The following FAM234B variants were observed in gnomAD, a reference collection of about 807,000 sequenced individuals.
FAM234B encodes the protein family with sequence similarity 234 member B.
In FAM234B, 33 loss-of-function variants were observed where a neutral mutation model predicts 69.3. The ratio of observed to expected loss-of-function variants is 0.48; its 90% CI spans 0.36 to 0.64. The LOEUF is 0.64. Among genes scored for constraint, FAM234B ranks in the 30% least tolerant of loss-of-function variants. The pLI is 0.00. For synonymous variants in FAM234B, 306 were observed against 306.9 expected (o/e 1.00, Z 0.03); for missense variants, 697 against 769.7 (o/e 0.91, Z 1.12).
At chr12:13,047,815 C>T (rs889183564) in intron 1 of FAM234B, among the ~76,000 whole-genome samples, 7 of 152,116 alleles carry the variant, frequency 4.6e-5, no homozygotes, top group African/African-American at 1.4e-4. Context: ...GGCTCCTCAG[C>T]CTGAGTAGGA....
intron 5 of FAM234B, among the ~76,000 whole-genome samples, chr12:13,064,125 A>G (rs1865012928): frequency 6.6e-6 from 1 of 152,244 alleles, no homozygotes; most frequent in African/African-American, 2.4e-5. Context: ...TCACATTTGC[A>G]AGATAAAGGC....
At chr12:13,050,953 A>G (rs2220266) in intron 1 of FAM234B, among the ~76,000 whole-genome samples, 36,073 of 152,066 alleles carry the variant, frequency 0.24, 5,191 homozygotes, top group East Asian at 0.53. Context: ...GTATTTGCCT[A>G]CTCTTACTGA....
In FAM234B at chr12:13,068,782, G is replaced by T. The variant is rs1288016764; in HGVS notation, c.1368+71G>T. 4 of 968,424 alleles carry T rather than the reference G, an allele frequency of 4.1e-6. No individual in the cohort carries two copies. The African/African-American group carries it at 6.5e-5, about 16-fold the overall frequency. 60.0% of individuals were successfully genotyped at this position (968,424 alleles called of 1,614,324 possible). A position where few individuals can be genotyped will look rare whatever the true frequency, so the allele number is the denominator to read the frequency against. On this transcript the variant is annotated intron_variant, in intron 9 of 12. Transcript: ENST00000197268. The stretch of plus-strand genomic sequence containing the variant: ...TACTTTGTGTCCAACCCTGTGTTAG[G>T]CACAGCAGGGAATAAAAAGAACCTA...
rs746904223 is a variant in FAM234B, at chr12:13,067,166, G to A, written c.1012G>A (p.Ala338Thr). Residue 338 changes from alanine to threonine, a missense_variant, in exon 7 of 13, where the codon GCT becomes ACT. Ala to Thr is a moderately conservative substitution (Grantham distance 58). Transcript: ENST00000197268. This position sits in a 1 kb window ranked among gnomAD's most constrained non-coding sequence, Gnocchi z 4.7. ...YILFGFGNIQ[A>T]VALRDIFVQA... ...TTCTGTGGTGCTAGGAAATATACAAGCTGTCGCACTGCGGGACATTTTTGT... is the reference window on the plus strand; with the variant it reads ...TTCTGTGGTGCTAGGAAATATACAAACTGTCGCACTGCGGGACATTTTTGT... The A allele has an allele frequency of 8.1e-6, 13 of 1,613,964 alleles. No homozygotes were observed. The highest frequency in any genetic ancestry group is 9.3e-6 in the Non-Finnish European group (11 of 1,179,892).
intron 1 of FAM234B, among the ~76,000 whole-genome samples, chr12:13,053,005 G>A (rs917914874): frequency 6.6e-6 from 1 of 152,144 alleles, no homozygotes; most frequent in Non-Finnish European, 1.5e-5. Context: ...TTGGTTCATG[G>A]AGTAGAAATA....
chr12:13,061,489 C>T, intron 3 of FAM234B, 86 bp from the exon 4 acceptor site: 1 of 1,127,960 alleles, frequency 8.9e-7, no homozygotes, highest in Non-Finnish European at 1.3e-6. Flanking sequence ...CCACCATCCA[C>T]TTGCAGTTTT....
Position 13,067,913 on chromosome 12 carries a change from A to G in FAM234B, c.1143-391A>G, listed in dbSNP as rs1489922165. On this transcript the variant is annotated intron_variant, in intron 7 of 12. Transcript: ENST00000197268. The surrounding 1 kb of genome is among the most constrained non-coding windows in gnomAD (Gnocchi z 4.7). ...ATGGTCCCAGTGGCACTGAGCAAGA[A>G]CTAATTCAGTGAAATGTATGCCATG... Among the ~76,000 whole-genome samples, 1 of 152,210 alleles carries G rather than the reference A, an allele frequency of 6.6e-6. No homozygotes were observed. Among genetic ancestry groups the G allele is most frequent in the African/African-American group, 2.4e-5 (1 of 41,448 alleles).
chr12:13,078,984 A>C (rs1006799838), intron 11 of FAM234B, among the ~76,000 whole-genome samples: 32 of 149,814 alleles, frequency 2.1e-4, no homozygotes, highest in Non-Finnish European at 4.4e-4. Flanking sequence ...TTACAGATTC[A>C]ATGCCATCCC....
intron 5 of FAM234B, among the ~76,000 whole-genome samples, chr12:13,064,941 C>T (rs1341677455): frequency 3.3e-5 from 5 of 152,106 alleles, no homozygotes; most frequent in Admixed American, 2.6e-4. Flanking sequence ...CTGATAAGGT[C>T]TAGAACATTA....
intron 11 of FAM234B, among the ~76,000 whole-genome samples, chr12:13,079,467 C>T (rs1865199882): frequency 1.3e-5 from 2 of 152,332 alleles, no homozygotes; most frequent in Middle Eastern, 3.4e-3. Flanking sequence ...AATTCTCAGG[C>T]TCCCTAGTGT....
intron 2 of FAM234B, 97 bp downstream of exon 2, chr12:13,056,043 C>T: frequency 1.6e-6 from 2 of 1,277,580 alleles, no homozygotes; most frequent in Non-Finnish European, 2.1e-6. Context: ...TAATATGTGT[C>T]ATGCGGCATT....
Position 13,079,800 on chromosome 12 carries a change from G to T in FAM234B, c.1654G>T (p.Asp552Tyr). 2 of 1,612,200 alleles carry T rather than the reference G, an allele frequency of 1.2e-6. No individual in the cohort carries two copies. The highest frequency in any genetic ancestry group is 2.2e-5 in the South Asian group (2 of 90,904). Residue 552 changes from aspartate to tyrosine, a missense_variant, in exon 12 of 13, where the codon GAC (aspartate) becomes TAC (tyrosine). Asp to Tyr is a radical substitution (Grantham distance 160, BLOSUM62 -3). Transcript: ENST00000197268. Reference protein sequence around the residue: ...TVTASEVGINDLWKDAFYVTR... With the variant: ...TVTASEVGINYLWKDAFYVTR... Reference sequence around the variant, plus strand: ...TTGTCCTTCCTCAGTTGGAATTAACGACCTCTGGAAAGATGCCTTTTATGT... The same window carrying T: ...TTGTCCTTCCTCAGTTGGAATTAACTACCTCTGGAAAGATGCCTTTTATGT...
At position 13,080,779 on chromosome 12, in the gene FAM234B, T is replaced by TTGGA; in HGVS notation, c.*150_*153dup. The TTGGA allele has an allele frequency of 1.6e-6, 1 of 627,910 alleles. No homozygotes were observed. The highest frequency in any genetic ancestry group is 2.7e-6 in the Non-Finnish European group (1 of 365,588). 38.9% of individuals were successfully genotyped at this position (627,910 alleles called of 1,614,324 possible). On this transcript the variant is annotated 3_prime_UTR_variant, in exon 13 of 13. Transcript: ENST00000197268. ...GGTTGCAAAGGCTTGGGAAGGCATG[T>TTGGA]TGGAGTCTTTGACGGCAGCATGATC... is the stretch of plus-strand genomic sequence containing the variant.
At chr12:13,052,472 C>A (rs1864886327) in intron 1 of FAM234B, among the ~76,000 whole-genome samples, 1 of 152,022 alleles carries the variant, frequency 6.6e-6, no homozygotes, top group African/African-American at 2.4e-5. Flanking sequence ...AATACATACA[C>A]CATAAAATTT....
intron 4 of FAM234B, 37 bp downstream of exon 4, chr12:13,061,800 C>A: frequency 1.3e-6 from 2 of 1,542,938 alleles, no homozygotes. Flanking sequence ...TTTGCTCCTA[C>A]GAGCCATACT....
At chr12:13,056,793 T>G (rs1038328811) in intron 2 of FAM234B, among the ~76,000 whole-genome samples, 1 of 152,198 alleles carries the variant, frequency 6.6e-6, no homozygotes, top group African/African-American at 2.4e-5. Context: ...CAATCTCTTG[T>G]GTGTCCCTCC....
chr12:13,058,299 C>A, intron 2 of FAM234B, 152 bp from the exon 3 acceptor site: 1 of 687,456 alleles, frequency 1.5e-6, no homozygotes, highest in Non-Finnish European at 2.7e-6. Context: ...AGGGCTTTTC[C>A]ATGCACTTAG....
chr12:13,046,129 G>A (rs965932261), intron 1 of FAM234B, among the ~76,000 whole-genome samples: 7 of 151,590 alleles, frequency 4.6e-5, no homozygotes, highest in African/African-American at 1.7e-4. Context: ...TGTGATGTGG[G>A]TTTTAAGAAA....
At position 13,062,989 on chromosome 12, in the gene FAM234B, T is replaced by G. The variant is rs762563881; in HGVS notation, c.852+14T>G. 6 of 1,613,320 alleles carry G rather than the reference T, an allele frequency of 3.7e-6. No homozygotes were observed. Among genetic ancestry groups the G allele is most frequent in the Non-Finnish European group, 4.2e-6 (5 of 1,179,520 alleles). On this transcript the variant is annotated intron_variant, in intron 5 of 12. Coordinates refer to ENST00000197268, the MANE Select transcript of FAM234B (RefSeq NM_020853.2). ...GGGGAATTGCAGGTATGATCTCTAT[T>G]AAATGTTTTTTGTTTCTTATAGGGA... is the stretch of plus-strand genomic sequence containing the variant.
Sources: gnomAD v4.1 joint callset for allele counts (sites outside exome capture counted in the v4.1 genomes callset) on GRCh38, gnomAD v4.1.1 for gene constraint, Gnocchi (gnomAD v3.1) non-coding constraint, MANE v1.5 for transcripts, NCBI Gene and HGNC (gene_info 2026-07-23, HGNC 2026-07-21) for gene names.